The following RGS7 variants were observed in gnomAD, a reference collection of about 807,000 sequenced individuals.
RGS7 encodes regulator of G-protein signaling 7.
In RGS7, 27 loss-of-function variants were observed where a neutral mutation model predicts 81.1. That is an observed-to-expected ratio of 0.33 (90% confidence interval 0.25 to 0.46). RGS7 has a LOEUF of 0.46. Among genes scored for constraint, RGS7 ranks in the 20% least tolerant of loss-of-function variants. The pLI is 1.00. For missense variants in RGS7, 396 were observed against 607.4 expected (o/e 0.65, Z 3.66); for synonymous variants, 208 against 207.7 (o/e 1.00, Z -0.01).
At chr1:241,234,485 CTTTTTTT>C (rs59539573) in intron 2 of RGS7, among the ~76,000 whole-genome samples, 5 of 147,386 alleles carry the variant, frequency 3.4e-5, no homozygotes, top group African/African-American at 9.9e-5. Flanking sequence ...TTCTTTTTTT[CTTTTTTT>C]TTTTCTCCTT....
At chr1:241,349,860 T>C (rs1213884673) in intron 2 of RGS7, among the ~76,000 whole-genome samples, 1 of 152,160 alleles carries the variant, frequency 6.6e-6, no homozygotes, top group Non-Finnish European at 1.5e-5. Context: ...TTCAAAGTAT[T>C]TCCACATTCT....
intron 2 of RGS7, among the ~76,000 whole-genome samples, chr1:241,218,475 A>G (rs903353541): frequency 5.3e-5 from 8 of 152,168 alleles, no homozygotes; most frequent in Admixed American, 1.3e-4. Context: ...TCAACTCCAC[A>G]TAAGTTGCAT....
At chr1:240,818,130 C>T (rs1263023898) in intron 10 of RGS7, among the ~76,000 whole-genome samples, 1 of 151,958 alleles carries the variant, frequency 6.6e-6, no homozygotes, top group African/African-American at 2.4e-5. Context: ...CATTTCAACA[C>T]AAGGATTTGC....
At chr1:241,247,634 A>T (rs1040179450) in intron 2 of RGS7, among the ~76,000 whole-genome samples, 4 of 152,152 alleles carry the variant, frequency 2.6e-5, no homozygotes, top group Non-Finnish European at 4.4e-5. Context: ...ATGCATGGCC[A>T]CCAAGGAGAT....
intron 2 of RGS7, among the ~76,000 whole-genome samples, chr1:241,314,527 G>T (rs1271332461): frequency 2.0e-5 from 3 of 152,290 alleles, no homozygotes; most frequent in African/African-American, 7.2e-5. Flanking sequence ...AGAAACCAAA[G>T]AATTTGTGTG....
rs138604903 is a variant in RGS7 at position 240,937,344 on chromosome 1, C to T, written c.227-638G>A. On this transcript the variant is annotated intron_variant, in intron 4 of 18. Coordinates refer to ENST00000440928, the MANE Select transcript of RGS7 (RefSeq NM_001364886.1). ...TTTGTTTGAGTGCTCGTTTTCCTTGCGACTCCCAGCTCTTGTTTCTAACAC... is the reference window on the plus strand; with the variant it reads ...TTTGTTTGAGTGCTCGTTTTCCTTGTGACTCCCAGCTCTTGTTTCTAACAC... 1.8e-3 allele frequency among the ~76,000 whole-genome samples: 267 copies of T among 152,288 alleles called. 1 individual carries two copies. The highest frequency in any genetic ancestry group is 5.7e-3 in the African/African-American group (237 of 41,552).
Position 241,037,491 on chromosome 1 carries a change from C to T in RGS7, c.176-54362G>A, listed in dbSNP as rs146072461. Among the ~76,000 whole-genome samples the T allele has an allele frequency of 9.5e-3, 1,446 of 152,136 alleles. 29 individuals are homozygous for T. The highest frequency in any genetic ancestry group is 0.034 in the African/African-American group (1,396 of 41,518). ...ATCCCAGCACTTTGGGAGGCCGAGG[C>T]GGGCAGATCACAAGGTCAGGAGTTC... is the stretch of plus-strand genomic sequence containing the variant. On this transcript the variant is annotated intron_variant, in intron 3 of 18. Coordinates refer to ENST00000440928, the MANE Select transcript of RGS7 (RefSeq NM_001364886.1).
chr1:241,140,376 C>A (rs139975245), intron 2 of RGS7, among the ~76,000 whole-genome samples: 343 of 152,278 alleles, frequency 2.3e-3, no homozygotes, highest in Non-Finnish European at 4.0e-3. Flanking sequence ...CTTCTCCACC[C>A]ACTGATGGGT....
chr1:241,070,088 C>G (rs2062342533), intron 3 of RGS7, among the ~76,000 whole-genome samples: 1 of 152,148 alleles, frequency 6.6e-6, no homozygotes, highest in Non-Finnish European at 1.5e-5. Context: ...ACAGCAGTCA[C>G]CTGCTCACAG....
intron 2 of RGS7, among the ~76,000 whole-genome samples, chr1:241,211,691 G>A (rs530228026): frequency 1.3e-5 from 2 of 152,278 alleles, no homozygotes; most frequent in South Asian, 4.1e-4. Flanking sequence ...GTTTCTAAAT[G>A]GAAGTCTGTA....
At chr1:241,029,114 G>A (rs764656973) in intron 3 of RGS7, among the ~76,000 whole-genome samples, 11 of 150,030 alleles carry the variant, frequency 7.3e-5, no homozygotes, top group Non-Finnish European at 1.5e-4. Flanking sequence ...GTAGGTTGAG[G>A]CTGTTGATGT....
At chr1:240,934,450 T>G (rs1174723461) in intron 5 of RGS7, among the ~76,000 whole-genome samples, 2 of 152,184 alleles carry the variant, frequency 1.3e-5, no homozygotes, top group Non-Finnish European at 2.9e-5. Context: ...TGAATAATAA[T>G]TTGTTTTCTA....
chr1:240,824,575 C>G (rs1262667802), intron 10 of RGS7, among the ~76,000 whole-genome samples: 1 of 152,218 alleles, frequency 6.6e-6, no homozygotes, highest in Non-Finnish European at 1.5e-5. Flanking sequence ...AGCTGTGGAC[C>G]CCTCAGAGGG....
intron 2 of RGS7, among the ~76,000 whole-genome samples, chr1:241,242,503 T>C (rs2076314489): frequency 6.6e-6 from 1 of 152,216 alleles, no homozygotes; most frequent in African/African-American, 2.4e-5. Context: ...AGTAGTAGGA[T>C]TGCTGGATTC....
chr1:241,073,028 C>T (rs1025810407), intron 3 of RGS7, among the ~76,000 whole-genome samples: 5 of 152,122 alleles, frequency 3.3e-5, no homozygotes, highest in African/African-American at 1.2e-4. Flanking sequence ...CAGCCCTGTT[C>T]CTCAATCTCA....
intron 2 of RGS7, among the ~76,000 whole-genome samples, chr1:241,280,055 C>A (rs2078417343): frequency 6.6e-6 from 1 of 152,168 alleles, no homozygotes; most frequent in Non-Finnish European, 1.5e-5. Context: ...TTCCCAGTTT[C>A]TCTGAGAGAT....
intron 3 of RGS7, among the ~76,000 whole-genome samples, chr1:241,029,204 CA>C (rs1442818008): frequency 1.1e-4 from 17 of 151,592 alleles, no homozygotes; most frequent in Admixed American, 1.1e-3. Flanking sequence ...TTTCCTGACA[CA>C]AAATTACCAT....
At chr1:240,978,473 A>C (rs1308754921) in intron 4 of RGS7, among the ~76,000 whole-genome samples, 1 of 152,164 alleles carries the variant, frequency 6.6e-6, no homozygotes, top group African/African-American at 2.4e-5. Flanking sequence ...AAATGATGAA[A>C]AGTTAAACAT....
chr1:240,862,348 T>C (rs574350930), intron 9 of RGS7, among the ~76,000 whole-genome samples: 7 of 152,226 alleles, frequency 4.6e-5, no homozygotes, highest in Non-Finnish European at 8.8e-5. Context: ...TTACATTAAA[T>C]TGACTTTAAG....
Sources: allele counts gnomAD v4.1 joint callset (sites outside exome capture counted in the v4.1 genomes callset), GRCh38; gene constraint gnomAD v4.1.1; transcripts MANE v1.5; gene names NCBI Gene and HGNC (gene_info 2026-07-23, HGNC 2026-07-21).